The following MEGF9 variants were observed in gnomAD, a reference collection of about 807,000 sequenced individuals.
The protein encoded by MEGF9 is multiple EGF like domains 9, also known as multiple epidermal growth factor-like domains protein 9.
A neutral mutation model predicts 46.8 loss-of-function variants in MEGF9; 6 were observed. That is an observed-to-expected ratio of 0.13 (90% confidence interval 0.07 to 0.25). The LOEUF (loss-of-function observed/expected upper bound fraction) is 0.25. MEGF9 is among the 10% of genes least tolerant of loss of function. The probability of loss-of-function intolerance (pLI) is 1.00; values close to 1 mark genes in which losing one functional copy is unlikely to be tolerated. For synonymous variants in MEGF9, 302 were observed against 330.7 expected (o/e 0.91, Z 0.94); for missense variants, 683 against 792.4 (o/e 0.86, Z 1.66).
intron 4 of MEGF9, among the ~76,000 whole-genome samples, chr9:120,612,175 C>A (rs1432489314): frequency 6.6e-6 from 1 of 152,018 alleles, no homozygotes; most frequent in Non-Finnish European, 1.5e-5. Flanking sequence ...TCTTGAAGTT[C>A]CTGCATTAAC....
At chr9:120,705,540 GTT>G (rs572627643) in intron 1 of MEGF9, among the ~76,000 whole-genome samples, 1 of 141,964 alleles carries the variant, frequency 7.0e-6, no homozygotes. Context: ...TGGAAGAAAG[GTT>G]TTTTTTTTTT....
chr9:120,662,837 G>A (rs140897740), intron 1 of MEGF9, among the ~76,000 whole-genome samples: 1,653 of 152,314 alleles, frequency 0.011, 31 homozygotes, highest in African/African-American at 0.034. Flanking sequence ...TTTGAATAAC[G>A]TCTGGGAAAC....
Position 120,668,610 on chromosome 9 carries a change from T to G in MEGF9, c.602-9035A>C, listed in dbSNP as rs143995806. On this transcript the variant is annotated intron_variant, in intron 1 of 5. Transcript: ENST00000373930. ...CCAGTTTTCCACAATTCAGAGATAA[T>G]TCATCTAATTAATGAGACAAGATGA... 4.5e-4 allele frequency among the ~76,000 whole-genome samples: 69 copies of G among 152,310 alleles called. No individual in the cohort carries two copies. In the East Asian group the frequency reaches 0.013, roughly 29 times the overall value.
intron 1 of MEGF9, among the ~76,000 whole-genome samples, chr9:120,701,392 C>T (rs2043904445): frequency 6.6e-6 from 1 of 152,194 alleles, no homozygotes; most frequent in Non-Finnish European, 1.5e-5. Flanking sequence ...ATTTAACATT[C>T]TCCAGCCAGG....
At chr9:120,631,136 A>G (rs909097078) in intron 2 of MEGF9, among the ~76,000 whole-genome samples, 2 of 152,174 alleles carry the variant, frequency 1.3e-5, no homozygotes, top group African/African-American at 4.8e-5. Flanking sequence ...TCTTTAGTCA[A>G]TTTGGAAACG....
chr9:120,605,438 T>C lies in MEGF9; in HGVS notation c.1561A>G (p.Ile521Val). 6.2e-7 allele frequency: 1 copy of C among 1,614,042 alleles called. No individual in the cohort carries two copies. The highest frequency in any genetic ancestry group is 8.5e-7 in the Non-Finnish European group (1 of 1,179,892). ...ATTAGCAGCACCACAACAATGATGA[T>C]GACTGTCAAAATGATGATGTTAAAT... The part of the protein sequence containing the change: ...TQFNIIILTV[I>V]IIVVVLLMGF... The change falls in exon 6 of 6, where the codon ATC becomes GTC. Residue 521 changes from isoleucine (I) to valine (V), a missense_variant. Physicochemically the swap from Ile to Val is conservative, Grantham distance 29 (BLOSUM62 3). Around this residue, in one of 2 missense-constraint regions of MEGF9, gnomAD observed 313 missense variants for 421.1 expected, o/e 0.74. Transcript: ENST00000373930. The surrounding 1 kb of genome is among the most constrained non-coding windows in gnomAD (Gnocchi z 4.0).
At chr9:120,680,761 C>T (rs1402326212) in intron 1 of MEGF9, among the ~76,000 whole-genome samples, 5 of 152,072 alleles carry the variant, frequency 3.3e-5, no homozygotes, top group African/African-American at 1.2e-4. Context: ...ATACAAAGTC[C>T]TTCTCACTCT....
chr9:120,711,216 A>G (rs1263908628), intron 1 of MEGF9, among the ~76,000 whole-genome samples: 1 of 152,212 alleles, frequency 6.6e-6, no homozygotes, highest in Non-Finnish European at 1.5e-5. Context: ...TTTAAAGTGA[A>G]GCCTAGAAGC....
At chr9:120,643,631 T>A (rs184477792) in intron 2 of MEGF9, among the ~76,000 whole-genome samples, 2 of 152,180 alleles carry the variant, frequency 1.3e-5, no homozygotes, top group East Asian at 3.8e-4. Flanking sequence ...AATATTAGAT[T>A]TAAAGAGGAG....
intron 2 of MEGF9, among the ~76,000 whole-genome samples, chr9:120,633,661 C>T (rs770154643): frequency 1.1e-4 from 16 of 151,854 alleles, no homozygotes; most frequent in Non-Finnish European, 2.1e-4. Flanking sequence ...TCTGGCTTTT[C>T]TAGTTCCTTA....
chr9:120,678,607 G>A (rs1021931864), intron 1 of MEGF9, among the ~76,000 whole-genome samples: 1 of 152,088 alleles, frequency 6.6e-6, no homozygotes, highest in Non-Finnish European at 1.5e-5. Context: ...TGAACAGCTG[G>A]GATAACAGGT....
At chr9:120,619,445 T>C (rs777522008) in intron 3 of MEGF9, among the ~76,000 whole-genome samples, 8 of 152,226 alleles carry the variant, frequency 5.3e-5, no homozygotes, top group Non-Finnish European at 8.8e-5. Context: ...ATAAAGGCTG[T>C]ACAAGTGTAT....
At chr9:120,706,043 C>G (rs1180147844) in intron 1 of MEGF9, among the ~76,000 whole-genome samples, 1 of 152,140 alleles carries the variant, frequency 6.6e-6, no homozygotes, top group African/African-American at 2.4e-5. Flanking sequence ...TTCTTCTGCT[C>G]TATTAAGTAC....
At chr9:120,652,396 G>A (rs1265466213) in intron 2 of MEGF9, among the ~76,000 whole-genome samples, 1 of 143,474 alleles carries the variant, frequency 7.0e-6, no homozygotes, top group Non-Finnish European at 1.5e-5. Context: ...AGGATCCATT[G>A]AGCCCAGGAG....
At chr9:120,641,757 A>T (rs1264650044) in intron 2 of MEGF9, among the ~76,000 whole-genome samples, 1 of 152,202 alleles carries the variant, frequency 6.6e-6, no homozygotes, top group East Asian at 1.9e-4. Context: ...TCTATTTTTT[A>T]TATCCCTATC....
intron 4 of MEGF9, among the ~76,000 whole-genome samples, chr9:120,610,694 T>C (rs769908152): frequency 2.3e-4 from 35 of 152,164 alleles, no homozygotes; most frequent in Non-Finnish European, 4.3e-4. Context: ...AAATACATGA[T>C]ATTGCACTGT....
chr9:120,618,135 A>G (rs536377955), intron 3 of MEGF9, among the ~76,000 whole-genome samples: 5 of 152,298 alleles, frequency 3.3e-5, no homozygotes, highest in South Asian at 2.1e-4. Flanking sequence ...GTTAAGGGGG[A>G]AAATGAGCTA....
At chr9:120,662,679 T>C (rs905045252) in intron 1 of MEGF9, among the ~76,000 whole-genome samples, 1 of 152,190 alleles carries the variant, frequency 6.6e-6, no homozygotes, top group Admixed American at 6.5e-5. Flanking sequence ...AGTATTGCAA[T>C]AATTAATACA....
In MEGF9 at chr9:120,604,976, T is replaced by C; in HGVS notation, c.*214A>G. The C allele has an allele frequency of 1.7e-6, 1 of 580,456 alleles. No homozygotes were observed. The highest frequency in any genetic ancestry group is 2.2e-5 in the South Asian group (1 of 44,936). The allele number at this position is 580,456 out of a possible 1,614,324, so 36.0% of individuals were successfully genotyped here. A position where few individuals can be genotyped will look rare whatever the true frequency, so the allele number is the denominator to read the frequency against. ...GGTTTGGTACAAAAATATACTTTAC[T>C]TCAAGTCCTAATGACAGTGAACGCT... On this transcript the variant is annotated 3_prime_UTR_variant, in exon 6 of 6. Coordinates refer to ENST00000373930, the MANE Select transcript of MEGF9 (RefSeq NM_001080497.3).
Sources: allele counts gnomAD v4.1 joint callset (sites outside exome capture counted in the v4.1 genomes callset), GRCh38; gene constraint gnomAD v4.1.1; regional missense constraint gnomAD v4.1.1; non-coding constraint Gnocchi (gnomAD v3.1); transcripts MANE v1.5; gene names NCBI Gene and HGNC (gene_info 2026-07-23, HGNC 2026-07-21).